Variants in NRXN3 observed in about 807,000 individuals in gnomAD.
NRXN3 encodes neurexin 3.
NRXN3 carries 32 observed loss-of-function variants against 137.6 expected under a neutral mutation model. That is an observed-to-expected ratio of 0.23 (90% CI 0.18 to 0.31). The LOEUF is 0.31. NRXN3 is among the 10% of genes least tolerant of loss of function. NRXN3 has a pLI of 1.00. For missense variants in NRXN3, 1,574 were observed against 2,062.5 expected (o/e 0.76, Z 4.59); for synonymous variants, 798 against 784.5 (o/e 1.02, Z -0.29).
chr14:78,329,050 C>T (rs1441709664), intron 4 of NRXN3, among the ~76,000 whole-genome samples: 1 of 152,148 alleles, frequency 6.6e-6, no homozygotes, highest in African/African-American at 2.4e-5. Flanking sequence ...CAGGAAATAT[C>T]CTACTCAGAA....
At chr14:79,572,715 T>C (rs1469151152) in intron 16 of NRXN3, 3 of 152,180 alleles carry the variant, frequency 2.0e-5, no homozygotes, top group Non-Finnish European at 4.4e-5. Context: ...TAATTACCAT[T>C]CTAGAAAGAA....
At chr14:79,369,542 A>G (rs542363067) in intron 15 of NRXN3, among the ~76,000 whole-genome samples, 8 of 152,330 alleles carry the variant, frequency 5.3e-5, no homozygotes, top group African/African-American at 1.4e-4. Flanking sequence ...AGACAGAGAC[A>G]CTGAGAAATT....
At position 78,750,380 on chromosome 14, in the gene NRXN3, G is replaced by A. The variant is rs1016095840; in HGVS notation, c.2044+35241G>A. Among the ~76,000 whole-genome samples, 16 of 152,298 alleles carry A rather than the reference G, an allele frequency of 1.1e-4. No individual in the cohort carries two copies. The East Asian group carries it at 1.5e-3, about 15-fold the overall frequency. The stretch of plus-strand genomic sequence containing the variant: ...CTCAAGTTTGGAGGAAGTCGCAAAC[G>A]TAGGAGAGTAGGTGATCTTGTTATG... On this transcript the variant is annotated intron_variant, in intron 8 of 20. Transcript: ENST00000335750.
chr14:78,927,150 C>CTTGAGAAA (rs546385554), intron 10 of NRXN3, among the ~76,000 whole-genome samples: 2 of 111,722 alleles, frequency 1.8e-5, no homozygotes, highest in East Asian at 2.5e-4. Context: ...GTGAGACCCT[C>CTTGAGAAA]AAAAAAAAAA....
intron 4 of NRXN3, among the ~76,000 whole-genome samples, chr14:78,386,443 A>C (rs2089985646): frequency 1.3e-5 from 2 of 152,166 alleles, no homozygotes; most frequent in African/African-American, 4.8e-5. Flanking sequence ...GAAGAACAGG[A>C]AGGTGGAAGA....
At chr14:78,913,261 TC>T (rs2099244758) in intron 10 of NRXN3, among the ~76,000 whole-genome samples, 2 of 105,552 alleles carry the variant, frequency 1.9e-5, no homozygotes, top group Non-Finnish European at 3.6e-5. Context: ...TTTCTTTCTT[TC>T]TTTCTTTCTT....
chr14:79,800,063 T>C (rs1319672544), intron 19 of NRXN3, among the ~76,000 whole-genome samples: 1 of 152,212 alleles, frequency 6.6e-6, no homozygotes, highest in Non-Finnish European at 1.5e-5. Context: ...CATAGAGTTT[T>C]TAAAAAATGC....
intron 15 of NRXN3, among the ~76,000 whole-genome samples, chr14:79,400,871 T>C (rs2095173665): frequency 6.6e-6 from 1 of 152,186 alleles, no homozygotes; most frequent in Non-Finnish European, 1.5e-5. Context: ...TAGCCCCCCG[T>C]AACAAGCCTC....
rs555384691 is a variant in NRXN3 at position 78,799,650 on chromosome 14, C to T, written c.2045-3970C>T. On this transcript the variant is annotated intron_variant, in intron 8 of 20. Transcript: ENST00000335750. ...TTTTCATGCTGCTGATAAAGATGTA[C>T]CAGAGACTGGATAATTTATAAAGAA... 8.5e-5 allele frequency among the ~76,000 whole-genome samples: 13 copies of T among 152,184 alleles called. No individual in the cohort carries two copies. In the South Asian group the frequency reaches 2.7e-3, roughly 32 times the overall value.
chr14:79,861,492 C>A lies in NRXN3; in HGVS notation c.4244C>A (p.Ser1415Tyr), dbSNP rs2099413773. Reference sequence around the variant, plus strand: ...CCTGAGCTGATCCGCTTCACAGCTTCCTCCTCGTCTGGGATGGTGCCCAAA... The same window carrying A: ...CCTGAGCTGATCCGCTTCACAGCTTACTCCTCGTCTGGGATGGTGCCCAAA... ...LSPELIRFTA[S>Y]SSSGMVPKLP... Residue 1415 changes from serine (S) to tyrosine (Y), a missense_variant, in exon 21 of 21, where the codon TCC becomes TAC. By Grantham distance (144) the Ser-to-Tyr change is moderately radical. Coordinates refer to ENST00000335750, the MANE Select transcript of NRXN3 (RefSeq NM_001330195.2). The surrounding 1 kb of genome is among the most constrained non-coding windows in gnomAD (Gnocchi z 5.4). 6.5e-7 allele frequency: 1 copy of A among 1,538,420 alleles called. No homozygotes were observed. Among genetic ancestry groups the A allele is most frequent in the Admixed American group, 2.0e-5 (1 of 51,014 alleles).
chr14:79,119,350 T>C (rs1346247859), intron 15 of NRXN3, among the ~76,000 whole-genome samples: 1 of 152,168 alleles, frequency 6.6e-6, no homozygotes, highest in East Asian at 1.9e-4. Flanking sequence ...GGCTGAGGTG[T>C]TGTTTTTAAA....
intron 14 of NRXN3, among the ~76,000 whole-genome samples, chr14:78,985,836 T>C (rs375782643): frequency 1.3e-5 from 2 of 152,212 alleles, no homozygotes; most frequent in Admixed American, 6.5e-5. Context: ...ATGAAACTTG[T>C]ATAACACAAT....
In NRXN3 at chr14:79,265,256, A is replaced by T. The variant is rs1455398789; in HGVS notation, c.3263-201965A>T. ...CTTTTTTTTTTTTTTTTTTTTTTTT[A>T]AATTTTCCTGATTTTTCTTTAACTA... is the stretch of plus-strand genomic sequence containing the variant. On this transcript the variant is annotated intron_variant, in intron 15 of 20. Coordinates refer to ENST00000335750, the MANE Select transcript of NRXN3 (RefSeq NM_001330195.2). Among the ~76,000 whole-genome samples the T allele has an allele frequency of 6.5e-3, 669 of 103,384 alleles. 3 individuals carry two copies. Among genetic ancestry groups the T allele is most frequent in the South Asian group, 9.8e-3 (32 of 3,282 alleles). 67.8% of individuals were successfully genotyped at this position (103,384 alleles called of 152,430 possible).
intron 16 of NRXN3, among the ~76,000 whole-genome samples, chr14:79,541,053 T>C (rs1009516768): frequency 2.0e-5 from 3 of 152,190 alleles, no homozygotes; most frequent in African/African-American, 7.2e-5. Context: ...CTCTGATCTC[T>C]GGCTGTCTTT....
chr14:79,831,186 T>C (rs1568391507), intron 20 of NRXN3, among the ~76,000 whole-genome samples: 1 of 152,188 alleles, frequency 6.6e-6, no homozygotes, highest in Non-Finnish European at 1.5e-5. Flanking sequence ...TCACCAGCTG[T>C]GTCATTTTGT....
At chr14:78,394,499 G>A (rs1423447503) in intron 4 of NRXN3, among the ~76,000 whole-genome samples, 2 of 151,644 alleles carry the variant, frequency 1.3e-5, no homozygotes, top group Non-Finnish European at 3.0e-5. Context: ...GGTTTTTTGT[G>A]TCTATATTTA....
chr14:78,174,298 C>A (rs1307453154), intron 1 of NRXN3, among the ~76,000 whole-genome samples: 1 of 152,104 alleles, frequency 6.6e-6, no homozygotes. Context: ...GCCCCCTCCC[C>A]CATACACATG....
At chr14:79,757,782 C>T (rs567678757) in intron 19 of NRXN3, among the ~76,000 whole-genome samples, 73 of 152,210 alleles carry the variant, frequency 4.8e-4, no homozygotes, top group African/African-American at 1.8e-3. Context: ...TAAAATCCAA[C>T]AGTTTGTTAA....
intron 8 of NRXN3, among the ~76,000 whole-genome samples, chr14:78,802,014 G>A (rs536395395): frequency 2.8e-4 from 43 of 152,306 alleles, no homozygotes; most frequent in Admixed American, 5.9e-4. Flanking sequence ...GTGCATGTAG[G>A]TAGCAAATAT....
Sources: allele counts gnomAD v4.1 joint callset (sites outside exome capture counted in the v4.1 genomes callset), GRCh38; gene constraint gnomAD v4.1.1; non-coding constraint Gnocchi (gnomAD v3.1); transcripts MANE v1.5; gene names NCBI Gene and HGNC (gene_info 2026-07-23, HGNC 2026-07-21).